ARHGAP15: variants seen among roughly 807,000 people sequenced by gnomAD.
ARHGAP15 encodes rho GTPase-activating protein 15.
In ARHGAP15, 51 loss-of-function variants were observed where a neutral mutation model predicts 63.7. The observed-to-expected ratio is 0.80, with a 90% CI of 0.64 to 1.01. The LOEUF is 1.01. ARHGAP15 is among the 50% of genes least tolerant of loss of function. The pLI, the probability that ARHGAP15 is intolerant of heterozygous loss-of-function variation, is 0.00. For missense variants in ARHGAP15, 560 were observed against 564.6 expected, an observed-to-expected ratio of 0.99 and a Z score of 0.08; for synonymous variants, 191 against 193.8, an observed-to-expected ratio of 0.99 and a Z score of 0.12.
chr2:143,327,456 A>C (rs1426199741), intron 6 of ARHGAP15, among the ~76,000 whole-genome samples: 1 of 152,236 alleles, frequency 6.6e-6, no homozygotes, highest in East Asian at 1.9e-4. Context: ...CTAAGTAAAA[A>C]GAATAAAGCC....
chr2:143,578,388 A>G (rs899157249), intron 11 of ARHGAP15, among the ~76,000 whole-genome samples: 1 of 152,182 alleles, frequency 6.6e-6, no homozygotes, highest in Non-Finnish European at 1.5e-5. Context: ...TTTAACTTTC[A>G]ACAGGCAAAG....
intron 10 of ARHGAP15, among the ~76,000 whole-genome samples, chr2:143,519,996 C>T (rs372391051): frequency 1.3e-5 from 2 of 152,206 alleles, no homozygotes; most frequent in East Asian, 3.9e-4. Context: ...GGTGTTTTTC[C>T]TTCAAACTAT....
chr2:143,377,867 C>CT (rs898355880), intron 6 of ARHGAP15, among the ~76,000 whole-genome samples: 1 of 152,006 alleles, frequency 6.6e-6, no homozygotes, highest in African/African-American at 2.4e-5. Context: ...TATAAATAGG[C>CT]TTTTTTTATA....
At chr2:143,405,340 A>G in intron 6 of ARHGAP15, among the ~76,000 whole-genome samples, 1 of 150,230 alleles carries the variant, frequency 6.7e-6, no homozygotes, top group East Asian at 2.0e-4. Context: ...TTTGCTTATC[A>G]TTTTGTGTTT....
At chr2:143,492,482 G>GCCAACTA (rs1255539675) in intron 9 of ARHGAP15, among the ~76,000 whole-genome samples, 2 of 152,164 alleles carry the variant, frequency 1.3e-5, no homozygotes, top group Non-Finnish European at 2.9e-5. Flanking sequence ...ACATGGCTGA[G>GCCAACTA]CATGGTTGGC....
intron 11 of ARHGAP15, among the ~76,000 whole-genome samples, chr2:143,557,981 T>C (rs548500999): frequency 1.3e-5 from 2 of 152,108 alleles, no homozygotes; most frequent in South Asian, 2.1e-4. Context: ...GGAAAAACAG[T>C]AGGGGGATGC....
intron 11 of ARHGAP15, among the ~76,000 whole-genome samples, chr2:143,609,773 TA>T (rs1464886998): frequency 1.3e-5 from 2 of 152,076 alleles, no homozygotes; most frequent in Non-Finnish European, 2.9e-5. Context: ...GGCTTCCAAC[TA>T]GATTGGGCCA....
intron 2 of ARHGAP15, among the ~76,000 whole-genome samples, chr2:143,200,326 G>A (rs1692058161): frequency 6.6e-6 from 1 of 151,572 alleles, no homozygotes; most frequent in Non-Finnish European, 1.5e-5. Context: ...GAGCAAATGT[G>A]GGGTTCCAGG....
At chr2:143,529,014 T>C (rs1399394917) in intron 10 of ARHGAP15, among the ~76,000 whole-genome samples, 1 of 152,160 alleles carries the variant, frequency 6.6e-6, no homozygotes, top group Non-Finnish European at 1.5e-5. Flanking sequence ...CTTCAATGAC[T>C]TCAGAGCTCC....
intron 6 of ARHGAP15, among the ~76,000 whole-genome samples, chr2:143,323,850 G>A (rs554422629): frequency 2.6e-5 from 3 of 115,540 alleles, no homozygotes; most frequent in South Asian, 3.0e-4. Flanking sequence ...AGCCGAGATC[G>A]CACCACTGCA....
At chr2:143,484,455 T>C (rs1208859183) in intron 8 of ARHGAP15, among the ~76,000 whole-genome samples, 1 of 151,924 alleles carries the variant, frequency 6.6e-6, no homozygotes, top group Non-Finnish European at 1.5e-5. Flanking sequence ...TCACTTCAAT[T>C]TGGGAAGTGG....
chr2:143,256,187 A>G (rs1680418633), intron 6 of ARHGAP15, among the ~76,000 whole-genome samples: 1 of 152,170 alleles, frequency 6.6e-6, no homozygotes. Flanking sequence ...AGTGATTTTA[A>G]TACAAATACA....
At chr2:143,268,813 A>G (rs1558855920) in intron 6 of ARHGAP15, among the ~76,000 whole-genome samples, 1 of 152,134 alleles carries the variant, frequency 6.6e-6, no homozygotes. Context: ...TCAAATTAAG[A>G]GTAAGATAGA....
At chr2:143,582,232 G>T (rs1377284325) in intron 11 of ARHGAP15, among the ~76,000 whole-genome samples, 1 of 152,116 alleles carries the variant, frequency 6.6e-6, no homozygotes, top group African/African-American at 2.4e-5. Context: ...TTTTTATTAG[G>T]GGGGCAGGGA....
intron 13 of ARHGAP15, among the ~76,000 whole-genome samples, chr2:143,732,424 A>T (rs909147846): frequency 9.9e-5 from 15 of 152,210 alleles, no homozygotes; most frequent in Non-Finnish European, 2.9e-5. Context: ...CATTTTTAAA[A>T]TGCAGTATAT....
At chr2:143,173,031 G>A (rs545374315) in intron 2 of ARHGAP15, among the ~76,000 whole-genome samples, 78 of 152,082 alleles carry the variant, frequency 5.1e-4, no homozygotes, top group Non-Finnish European at 1.0e-3. Flanking sequence ...TGACATCCAT[G>A]AATTTCAATA....
intron 11 of ARHGAP15, among the ~76,000 whole-genome samples, chr2:143,579,528 A>G (rs1234719074): frequency 6.6e-6 from 1 of 152,130 alleles, no homozygotes; most frequent in Non-Finnish European, 1.5e-5. Context: ...ATGGATATCA[A>G]TTGTGCCCTT....
chr2:143,374,357 C>G (rs114645380), intron 6 of ARHGAP15, among the ~76,000 whole-genome samples: 5,814 of 152,192 alleles, frequency 0.038, 179 homozygotes, highest in Middle Eastern at 0.078. Flanking sequence ...TTTCCCCACC[C>G]CATTTCTTTC....
chr2:143,763,435 T>C (rs1686832803), intron 13 of ARHGAP15, among the ~76,000 whole-genome samples: 1 of 152,096 alleles, frequency 6.6e-6, no homozygotes, highest in Admixed American at 6.6e-5. Context: ...ATTTAAACTT[T>C]AATATGAGAA....
Sources: allele counts gnomAD v4.1 joint callset (sites outside exome capture counted in the v4.1 genomes callset), GRCh38; gene constraint gnomAD v4.1.1; transcripts MANE v1.5; gene names NCBI Gene and HGNC (gene_info 2026-07-23, HGNC 2026-07-21).